The following EYA1 variants were observed in gnomAD, a reference collection of about 807,000 sequenced individuals.
EYA1 encodes the protein protein phosphatase EYA1.
A neutral mutation model predicts 82.0 loss-of-function variants in EYA1; 16 were observed. The ratio of observed to expected loss-of-function variants is 0.20; its 90% CI spans 0.13 to 0.30. EYA1 has a LOEUF of 0.30. Among genes scored for constraint, EYA1 ranks in the 10% least tolerant of loss-of-function variants. The probability of loss-of-function intolerance (pLI) is 1.00; values close to 1 mark genes in which losing one functional copy is unlikely to be tolerated. For missense variants in EYA1, 633 were observed against 730.7 expected (o/e 0.87, Z 1.54); for synonymous variants, 261 against 264.4 (o/e 0.99, Z 0.12).
intron 16 of EYA1, among the ~76,000 whole-genome samples, chr8:71,213,728 C>A (rs1440951297): frequency 6.6e-6 from 1 of 152,182 alleles, no homozygotes; most frequent in Non-Finnish European, 1.5e-5. Flanking sequence ...TGATTGAAGA[C>A]CCCACTGGGT....
At position 71,350,063 on chromosome 8, in the gene EYA1, T is replaced by C. The variant is rs573324134; in HGVS notation, c.124+4719A>G. On this transcript the variant is annotated intron_variant, in intron 3 of 17. Coordinates refer to ENST00000340726, the MANE Select transcript of EYA1 (RefSeq NM_000503.6). The stretch of plus-strand genomic sequence containing the variant: ...TGTGGTTACAGACAAACTAAAAATG[T>C]CATTTAGAAACTCCTTTATTCACAA... 1.1e-4 allele frequency among the ~76,000 whole-genome samples: 16 copies of C among 152,302 alleles called. 1 individual carries two copies. The South Asian group carries it at 3.3e-3, about 32-fold the overall frequency.
At chr8:71,379,807 T>G (rs1280768350) in intron 2 of EYA1, among the ~76,000 whole-genome samples, 4 of 150,256 alleles carry the variant, frequency 2.7e-5, no homozygotes, top group African/African-American at 9.7e-5. Context: ...CAGAGCACCC[T>G]TGGCATAAGC....
chr8:71,257,009 AT>A (rs1251489534), intron 11 of EYA1, among the ~76,000 whole-genome samples: 35 of 151,672 alleles, frequency 2.3e-4, no homozygotes, highest in African/African-American at 8.5e-4. Context: ...CAAAAAAAAA[AT>A]AAAATAAAAA....
At position 71,305,166 on chromosome 8, in the gene EYA1, T is replaced by C. The variant is rs771177321; in HGVS notation, c.557-5446A>G. ...ATTTGTAATGTTTGGAATTCTTTAA[T>C]CAAAATAATATAGAAGTATTTTCTT... On this transcript the variant is annotated intron_variant, in intron 7 of 17. Transcript: ENST00000340726. Among the ~76,000 whole-genome samples the C allele has an allele frequency of 2.8e-5, 4 of 143,142 alleles. 1 individual carries two copies. The highest frequency in any genetic ancestry group is 4.8e-5 in the Non-Finnish European group (3 of 62,994). 93.9% of individuals were successfully genotyped at this position (143,142 alleles called of 152,430 possible). A position where few individuals can be genotyped will look rare whatever the true frequency, so the allele number is the denominator to read the frequency against.
At chr8:71,485,196 A>G (rs887914449) in intron 2 of EYA1, among the ~76,000 whole-genome samples, 2 of 152,248 alleles carry the variant, frequency 1.3e-5, no homozygotes, top group African/African-American at 4.8e-5. Context: ...AACATTAGAT[A>G]AAGTGTCATG....
At chr8:71,288,186 G>A (rs1818598327) in intron 9 of EYA1, among the ~76,000 whole-genome samples, 1 of 152,144 alleles carries the variant, frequency 6.6e-6, no homozygotes, top group Non-Finnish European at 1.5e-5. Flanking sequence ...GGAAACATTG[G>A]ACATTACACT....
At chr8:71,494,022 CAAAAAAAAAA>C (rs34340467) in intron 2 of EYA1, among the ~76,000 whole-genome samples, 2 of 41,858 alleles carry the variant, frequency 4.8e-5, no homozygotes, top group East Asian at 1.8e-3. Flanking sequence ...GACTCCGTCT[CAAAAAAAAAA>C]AAAAAAAAAA....
chr8:71,315,998 A>T (rs1012012976), intron 7 of EYA1, among the ~76,000 whole-genome samples: 1 of 152,190 alleles, frequency 6.6e-6, no homozygotes, highest in South Asian at 2.1e-4. Flanking sequence ...ATAAAAAAAA[A>T]TCATTCTTAA....
intron 2 of EYA1, among the ~76,000 whole-genome samples, chr8:71,421,004 G>A (rs1020700790): frequency 5.9e-5 from 9 of 152,108 alleles, no homozygotes; most frequent in African/African-American, 2.2e-4. Context: ...TGGTGGTCAT[G>A]TCCAAATTTT....
chr8:71,276,584 G>T, intron 9 of EYA1, among the ~76,000 whole-genome samples: 1 of 152,112 alleles, frequency 6.6e-6, no homozygotes. Flanking sequence ...AAGTTCTGTG[G>T]TTTTTACTCC....
At chr8:71,436,407 G>A (rs749992314) in intron 2 of EYA1, among the ~76,000 whole-genome samples, 11 of 151,968 alleles carry the variant, frequency 7.2e-5, no homozygotes, top group Non-Finnish European at 1.5e-4. Flanking sequence ...TTGCCTTTCC[G>A]CAACAGTACC....
chr8:71,434,642 TA>T (rs934223287), intron 2 of EYA1, among the ~76,000 whole-genome samples: 10 of 152,174 alleles, frequency 6.6e-5, no homozygotes, highest in African/African-American at 2.2e-4. Context: ...ATTTTAACTG[TA>T]AAGTTGTTCA....
At chr8:71,255,469 A>T (rs1814291825) in intron 11 of EYA1, among the ~76,000 whole-genome samples, 1 of 152,224 alleles carries the variant, frequency 6.6e-6, no homozygotes, top group Admixed American at 6.5e-5. Flanking sequence ...GATTTTCAAT[A>T]AGGGTGCTAA....
chr8:71,369,324 T>C (rs1220121132), intron 2 of EYA1, among the ~76,000 whole-genome samples: 1 of 152,226 alleles, frequency 6.6e-6, no homozygotes, highest in Non-Finnish European at 1.5e-5. Context: ...GCTATTCTTT[T>C]CCTTAAGTGT....
intron 4 of EYA1, among the ~76,000 whole-genome samples, chr8:71,327,651 C>T: frequency 6.6e-6 from 1 of 152,078 alleles, no homozygotes; most frequent in Admixed American, 6.6e-5. Context: ...TTCTTTCACT[C>T]TCCCCACGCC....
chr8:71,387,673 A>C (rs1446896816), intron 2 of EYA1, among the ~76,000 whole-genome samples: 3 of 152,182 alleles, frequency 2.0e-5, no homozygotes, highest in Non-Finnish European at 2.9e-5. Flanking sequence ...ACAGAGATCA[A>C]GAACAGAGAA....
chr8:71,351,654 G>A (rs1826317788), intron 3 of EYA1, among the ~76,000 whole-genome samples: 1 of 152,186 alleles, frequency 6.6e-6, no homozygotes, highest in Non-Finnish European at 1.5e-5. Flanking sequence ...TTATCCCTTA[G>A]ATGAACCATG....
chr8:71,299,148 C>T lies in EYA1; in HGVS notation c.725G>A (p.Ser242Asn). The stretch of plus-strand genomic sequence containing the variant: ...TGGTGTCGTTGGGCTGGTGTTGCTG[C>T]TGGTCATATAATGTGCTGGATACGG... ...SSPYPAHYMTSSNTSPTTPST... is the reference protein window; with the variant it reads ...SSPYPAHYMTNSNTSPTTPST... The change falls in exon 9 of 18, where the codon AGC (serine) becomes AAC (asparagine). Residue 242 changes from serine to asparagine, a missense_variant. Transcript: ENST00000340726. 3.1e-6 allele frequency: 5 copies of T among 1,614,086 alleles called. No homozygotes were observed. The South Asian group carries it at 5.5e-5, about 18-fold the overall frequency.
intron 9 of EYA1, among the ~76,000 whole-genome samples, chr8:71,292,210 T>C (rs1324998381): frequency 1.3e-5 from 2 of 152,082 alleles, no homozygotes; most frequent in Non-Finnish European, 2.9e-5. Flanking sequence ...TTACGATCAG[T>C]ACAAGATGAT....
Sources: allele counts gnomAD v4.1 joint callset (sites outside exome capture counted in the v4.1 genomes callset), GRCh38; gene constraint gnomAD v4.1.1; transcripts MANE v1.5; gene names NCBI Gene and HGNC (gene_info 2026-07-23, HGNC 2026-07-21).